The following ADAMTS3 variants were observed in gnomAD, a reference collection of about 807,000 sequenced individuals.
The protein encoded by ADAMTS3 is ADAM metallopeptidase with thrombospondin type 1 motif 3, also known as A disintegrin and metalloproteinase with thrombospondin motifs 3.
ADAMTS3 carries 73 observed loss-of-function variants against 129.0 expected under a neutral mutation model. That is an observed-to-expected ratio of 0.57 (90% CI 0.47 to 0.69). The LOEUF (loss-of-function observed/expected upper bound fraction) is 0.69, where lower values mean the gene tolerates loss of function less well. ADAMTS3 is among the 30% of genes least tolerant of loss of function. ADAMTS3 has a pLI of 0.00. For synonymous variants in ADAMTS3, 477 were observed against 510.8 expected (o/e 0.93, Z 0.89); for missense variants, 1,457 against 1,514.5 (o/e 0.96, Z 0.63).
At position 72,295,725 on chromosome 4, in the gene ADAMTS3, G is replaced by A. The variant is rs1436769851; in HGVS notation, c.2652C>T (p.Ser884=). The A allele has an allele frequency of 6.2e-7, 1 of 1,612,942 alleles. No homozygotes were observed. Among genetic ancestry groups the A allele is most frequent in the Non-Finnish European group, 8.5e-7 (1 of 1,179,176 alleles). The change falls in exon 19 of 22, where the codon AGC becomes AGT. Residue 884 remains serine, a synonymous_variant. Coordinates refer to ENST00000286657, the MANE Select transcript of ADAMTS3 (RefSeq NM_014243.3). The part of the protein sequence containing the change: ...RKSDNKMVHR[S]FCEANKKPKP... Reference sequence around the variant, plus strand: ...TCGGCTTTTTGTTGGCCTCACAGAAGCTGCGATGGACCATTTTATTATCAC... The same window carrying A: ...TCGGCTTTTTGTTGGCCTCACAGAAACTGCGATGGACCATTTTATTATCAC...
chr4:72,541,885 T>G (rs1018942472), intron 3 of ADAMTS3, among the ~76,000 whole-genome samples: 3 of 152,202 alleles, frequency 2.0e-5, no homozygotes, highest in East Asian at 1.9e-4. Flanking sequence ...ATAGCAGCAT[T>G]AAAATGGACT....
intron 3 of ADAMTS3, among the ~76,000 whole-genome samples, chr4:72,470,760 G>A (rs770474768): frequency 1.7e-4 from 26 of 152,152 alleles, no homozygotes; most frequent in Non-Finnish European, 3.7e-4. Flanking sequence ...GCACTCAACT[G>A]TACTAGGAGT....
At chr4:72,506,931 T>C (rs1720175099) in intron 3 of ADAMTS3, among the ~76,000 whole-genome samples, 1 of 152,188 alleles carries the variant, frequency 6.6e-6, no homozygotes, top group South Asian at 2.1e-4. Context: ...TATCTTGCTA[T>C]TTCCAAGTGC....
chr4:72,370,595 A>T (rs1720981280), intron 4 of ADAMTS3, among the ~76,000 whole-genome samples: 1 of 152,008 alleles, frequency 6.6e-6, no homozygotes, highest in African/African-American at 2.4e-5. Flanking sequence ...TGAAAATACA[A>T]AAAAATTAGC....
Position 72,359,572 on chromosome 4 carries a change from T to G in ADAMTS3, c.662-19879A>C, listed in dbSNP as rs570601425. Among the ~76,000 whole-genome samples, 161 of 152,112 alleles carry G rather than the reference T, an allele frequency of 1.1e-3. 1 individual carries two copies. Among genetic ancestry groups the G allele is most frequent in the African/African-American group, 3.8e-3 (156 of 41,540 alleles). ...AAATATAAATGGCTAAATATTTCAG[T>G]GAAAGAACACAGTTACATTTTTTCC... On this transcript the variant is annotated intron_variant, in intron 4 of 21. Transcript: ENST00000286657.
chr4:72,473,522 C>G (rs1490363866), intron 3 of ADAMTS3, among the ~76,000 whole-genome samples: 3 of 150,528 alleles, frequency 2.0e-5, no homozygotes, highest in Non-Finnish European at 4.4e-5. Context: ...CATTTAGACA[C>G]TAACAGTTTT....
At chr4:72,376,448 G>T (rs1045998205) in intron 4 of ADAMTS3, among the ~76,000 whole-genome samples, 2 of 152,144 alleles carry the variant, frequency 1.3e-5, no homozygotes, top group African/African-American at 4.8e-5. Context: ...TTATTGTGGA[G>T]GTAGAAAGGT....
At position 72,352,565 on chromosome 4, in the gene ADAMTS3, C is replaced by A. The variant is rs180703074; in HGVS notation, c.662-12872G>T. On this transcript the variant is annotated intron_variant, in intron 4 of 21. Transcript: ENST00000286657. ...ACCTAATCTGGCTCCTGCAAACAAA[C>A]GTGAATAAGCTGAATTCCGGTCATC... 1.8e-3 allele frequency among the ~76,000 whole-genome samples: 267 copies of A among 152,016 alleles called. 1 individual carries two copies. The highest frequency in any genetic ancestry group is 3.3e-3 in the Non-Finnish European group (227 of 67,920).
intron 3 of ADAMTS3, among the ~76,000 whole-genome samples, chr4:72,504,503 T>G (rs1350000637): frequency 1.3e-5 from 2 of 152,172 alleles, no homozygotes; most frequent in Non-Finnish European, 2.9e-5. Flanking sequence ...TAATTTTTTT[T>G]CTTTAGCACT....
intron 3 of ADAMTS3, among the ~76,000 whole-genome samples, chr4:72,427,210 A>C (rs1156688249): frequency 6.6e-6 from 1 of 151,788 alleles, no homozygotes; most frequent in Non-Finnish European, 1.5e-5. Context: ...CTTTCTCAAC[A>C]CCCCTTAGAT....
At chr4:72,568,612 G>A (rs1446615575) in intron 1 of ADAMTS3, 82 bp downstream of exon 1, 3 of 1,043,918 alleles carry the variant, frequency 2.9e-6, no homozygotes, top group Non-Finnish European at 4.4e-6. Flanking sequence ...AAGGAGGAAA[G>A]AGAGGAGGGT....
intron 4 of ADAMTS3, among the ~76,000 whole-genome samples, chr4:72,391,745 G>A (rs1420118060): frequency 6.6e-6 from 1 of 151,718 alleles, no homozygotes; most frequent in African/African-American, 2.4e-5. Flanking sequence ...CAATAGTGAA[G>A]GTTAAAAAAA....
chr4:72,470,376 T>TATATACAC (rs557625827), intron 3 of ADAMTS3, among the ~76,000 whole-genome samples: 1 of 137,964 alleles, frequency 7.2e-6, no homozygotes, highest in Admixed American at 7.4e-5. Context: ...TATATATATA[T>TATATACAC]ACACACACAC....
At chr4:72,424,966 C>T (rs545681484) in intron 3 of ADAMTS3, among the ~76,000 whole-genome samples, 1 of 151,938 alleles carries the variant, frequency 6.6e-6, no homozygotes, top group Non-Finnish European at 1.5e-5. Context: ...GTATAGGTTG[C>T]TACATATTCT....
intron 2 of ADAMTS3, among the ~76,000 whole-genome samples, chr4:72,553,677 T>C (rs565153470): frequency 1.5e-4 from 23 of 152,152 alleles, no homozygotes; most frequent in African/African-American, 5.1e-4. Context: ...CATAAGAAAT[T>C]TGCAAACCTC....
Position 72,305,985 on chromosome 4 carries a change from A to G in ADAMTS3, c.2260+2T>C, listed in dbSNP as rs1308016171. ...GCAGAGACAGCAGACAGAAACACTT[A>G]CCAAGAATATGAGGAGAAGCCTCGT... On this transcript the variant is annotated splice_donor_variant, in intron 16 of 21. Coordinates refer to ENST00000286657, the MANE Select transcript of ADAMTS3 (RefSeq NM_014243.3). LOFTEE classifies it high-confidence loss of function. 4 of 1,609,380 alleles carry G rather than the reference A, an allele frequency of 2.5e-6. No homozygotes were observed. Among genetic ancestry groups the G allele is most frequent in the Non-Finnish European group, 3.4e-6 (4 of 1,177,692 alleles).
chr4:72,310,103 T>C (rs1719193330), intron 14 of ADAMTS3, among the ~76,000 whole-genome samples: 1 of 152,048 alleles, frequency 6.6e-6, no homozygotes, highest in Non-Finnish European at 1.5e-5. Context: ...CAATGGAAGG[T>C]TAGTGTTTCA....
At chr4:72,303,856 A>C in intron 17 of ADAMTS3, 61 bp downstream of exon 17, 2 of 1,550,040 alleles carry the variant, frequency 1.3e-6, no homozygotes, top group Non-Finnish European at 1.8e-6. Context: ...AAGTGTTTTC[A>C]GATAAATTAA....
At chr4:72,369,710 A>G (rs1720956412) in intron 4 of ADAMTS3, among the ~76,000 whole-genome samples, 1 of 151,832 alleles carries the variant, frequency 6.6e-6, no homozygotes, top group African/African-American at 2.4e-5. Context: ...GACTCAGCCT[A>G]AAAAATAAAT....
Sources: allele counts gnomAD v4.1 joint callset (sites outside exome capture counted in the v4.1 genomes callset), GRCh38; gene constraint gnomAD v4.1.1; transcripts MANE v1.5; gene names NCBI Gene and HGNC (gene_info 2026-07-23, HGNC 2026-07-21).